Variants in GALNT17 observed in about 807,000 individuals in gnomAD.
GALNT17 encodes the protein UDP-GalNAc:polypeptide N-acetylgalactosaminyltransferase-like 3.
GALNT17 carries 29 observed loss-of-function variants against 63.7 expected under a neutral mutation model. That is an observed-to-expected ratio of 0.46 (90% CI 0.34 to 0.62). The LOEUF (loss-of-function observed/expected upper bound fraction) is 0.62, where lower values mean the gene tolerates loss of function less well. Ranked by LOEUF, GALNT17 falls within the 20% of genes least tolerant of loss-of-function variation. GALNT17 has a pLI of 0.01. For missense variants in GALNT17, 603 were observed against 799.6 expected, an observed-to-expected ratio of 0.75 and a Z score of 2.97; for synonymous variants, 305 against 318.3, an observed-to-expected ratio of 0.96 and a Z score of 0.45.
chr7:71,373,542 C>T (rs79881347), intron 2 of GALNT17, among the ~76,000 whole-genome samples: 208 of 152,176 alleles, frequency 1.4e-3, no homozygotes, highest in Middle Eastern at 6.8e-3. Flanking sequence ...AGGAGGTGAG[C>T]GGCGGGTGAG....
intron 1 of GALNT17, among the ~76,000 whole-genome samples, chr7:71,326,870 C>G (rs1791714650): frequency 6.6e-6 from 1 of 152,184 alleles, no homozygotes; most frequent in African/African-American, 2.4e-5. Flanking sequence ...GGGCTCTTTT[C>G]AGGCTTAATT....
chr7:71,133,578 T>A (rs1202642229), intron 1 of GALNT17, among the ~76,000 whole-genome samples: 2 of 152,042 alleles, frequency 1.3e-5, no homozygotes. Context: ...CAGCTAAGAA[T>A]GAGGACTCCT....
intron 5 of GALNT17, among the ~76,000 whole-genome samples, chr7:71,522,836 T>G (rs1788553486): frequency 6.6e-6 from 1 of 152,180 alleles, no homozygotes. Context: ...TCAGTAGGAA[T>G]AAACCAACTA....
At chr7:71,511,357 G>A (rs1788352551) in intron 5 of GALNT17, among the ~76,000 whole-genome samples, 1 of 152,180 alleles carries the variant, frequency 6.6e-6, no homozygotes, top group African/African-American at 2.4e-5. Flanking sequence ...TGAGGTTAGG[G>A]GAGAGCGTGA....
chr7:71,525,191 C>A (rs149657905), intron 5 of GALNT17, among the ~76,000 whole-genome samples: 1 of 151,904 alleles, frequency 6.6e-6, no homozygotes, highest in African/African-American at 2.4e-5. Flanking sequence ...TTGTTTGTTT[C>A]GAGATGGAGT....
Position 71,220,661 on chromosome 7 carries a change from G to A in GALNT17, c.238+87621G>A, listed in dbSNP as rs367782746. Among the ~76,000 whole-genome samples, 20 of 152,210 alleles carry A rather than the reference G, an allele frequency of 1.3e-4. No individual in the cohort carries two copies. The East Asian group carries it at 2.1e-3, about 16-fold the overall frequency. ...TTGAAAGAGAAAATGGGAGTTAAAC[G>A]AGGTCACTGGGGTGGCCCTTAATCC... On this transcript the variant is annotated intron_variant, in intron 1 of 10. Coordinates refer to ENST00000333538, the MANE Select transcript of GALNT17 (RefSeq NM_022479.3).
chr7:71,202,086 T>G (rs1789184974), intron 1 of GALNT17, among the ~76,000 whole-genome samples: 1 of 152,210 alleles, frequency 6.6e-6, no homozygotes, highest in Admixed American at 6.5e-5. Flanking sequence ...AAAATCCTCT[T>G]TTATTCATTC....
intron 1 of GALNT17, among the ~76,000 whole-genome samples, chr7:71,301,671 A>G (rs888260158): frequency 2.0e-5 from 3 of 152,026 alleles, no homozygotes; most frequent in Admixed American, 6.6e-5. Flanking sequence ...ATTTGGCCCA[A>G]ATACACAAGT....
chr7:71,264,874 C>A (rs1004472090), intron 1 of GALNT17, among the ~76,000 whole-genome samples: 5 of 151,196 alleles, frequency 3.3e-5, no homozygotes, highest in Admixed American at 6.6e-5. Flanking sequence ...TTAATGGGTG[C>A]AAAAATACAG....
At chr7:71,137,164 G>C (rs1279077417) in intron 1 of GALNT17, among the ~76,000 whole-genome samples, 8 of 124,946 alleles carry the variant, frequency 6.4e-5, no homozygotes, top group Non-Finnish European at 3.2e-5. Context: ...TTTTGAGACA[G>C]AGTCTTGCTC....
intron 1 of GALNT17, among the ~76,000 whole-genome samples, chr7:71,203,231 TC>T (rs1229088781): frequency 3.3e-5 from 5 of 152,190 alleles, no homozygotes; most frequent in Admixed American, 6.5e-5. Context: ...CATACTGTTT[TC>T]CATAGTGGCT....
chr7:71,304,729 C>T (rs1404211551), intron 1 of GALNT17, among the ~76,000 whole-genome samples: 1 of 152,058 alleles, frequency 6.6e-6, no homozygotes, highest in Admixed American at 6.6e-5. Flanking sequence ...GCCAGTTTTA[C>T]CTACAAGTCC....
chr7:71,393,272 G>A lies in GALNT17; in HGVS notation c.589+4871G>A, dbSNP rs1793082235. 2.0e-5 allele frequency among the ~76,000 whole-genome samples: 3 copies of A among 152,040 alleles called. No homozygotes were observed. In the South Asian group the frequency reaches 6.2e-4, roughly 32 times the overall value. The stretch of plus-strand genomic sequence containing the variant: ...TTCTTACATTAATATTGTTGTTCCT[G>A]CTTGCTAGTTCACATTTGATTAAAA... On this transcript the variant is annotated intron_variant, in intron 3 of 10. Transcript: ENST00000333538.
At chr7:71,244,131 C>A (rs752110340) in intron 1 of GALNT17, among the ~76,000 whole-genome samples, 2 of 152,158 alleles carry the variant, frequency 1.3e-5, no homozygotes, top group African/African-American at 4.8e-5. Context: ...CTCCAGCATC[C>A]GCCTGCTGCT....
At chr7:71,537,334 G>C (rs936436638) in intron 5 of GALNT17, among the ~76,000 whole-genome samples, 1 of 152,164 alleles carries the variant, frequency 6.6e-6, no homozygotes, top group Non-Finnish European at 1.5e-5. Context: ...GCAAGGATGT[G>C]TTCACATCCT....
intron 1 of GALNT17, among the ~76,000 whole-genome samples, chr7:71,136,852 T>C (rs921464607): frequency 6.6e-6 from 1 of 151,658 alleles, no homozygotes; most frequent in African/African-American, 2.4e-5. Flanking sequence ...AGTGATGCAA[T>C]TATAGCTCAT....
In GALNT17 at chr7:71,396,328, T is replaced by A. The variant is rs542627341; in HGVS notation, c.589+7927T>A. On this transcript the variant is annotated intron_variant, in intron 3 of 10. Transcript: ENST00000333538. Reference sequence around the variant, plus strand: ...TAGGGATCCAAATTCTTTCTATTTTTCTTTTTTACATATATAGTTATCCCA... The same window carrying A: ...TAGGGATCCAAATTCTTTCTATTTTACTTTTTTACATATATAGTTATCCCA... Among the ~76,000 whole-genome samples the A allele has an allele frequency of 3.3e-5, 5 of 152,278 alleles. No individual in the cohort carries two copies. The East Asian group carries it at 9.6e-4, about 29-fold the overall frequency.
At chr7:71,524,411 C>A (rs774678897) in intron 5 of GALNT17, among the ~76,000 whole-genome samples, 3 of 151,522 alleles carry the variant, frequency 2.0e-5, no homozygotes, top group Non-Finnish European at 4.4e-5. Context: ...TGTTTTCCCG[C>A]GTTCCCCAGT....
Position 71,572,519 on chromosome 7 carries a change from A to C in GALNT17, c.1080+1117A>C, listed in dbSNP as rs1025279808. 9.9e-4 allele frequency among the ~76,000 whole-genome samples: 147 copies of C among 148,308 alleles called. 2 individuals carry two copies. Among genetic ancestry groups the C allele is most frequent in the African/African-American group, 3.3e-3 (130 of 39,438 alleles). ...CCTGTCTCATTAAAAAAAAAAAAAA[A>C]AAAAAAAAAAACTACATGTTTAAGG... On this transcript the variant is annotated intron_variant, in intron 6 of 10. Transcript: ENST00000333538.
Sources: allele counts gnomAD v4.1 joint callset (sites outside exome capture counted in the v4.1 genomes callset), GRCh38; gene constraint gnomAD v4.1.1; transcripts MANE v1.5; gene names NCBI Gene and HGNC (gene_info 2026-07-23, HGNC 2026-07-21).